RICTOR: variants seen among roughly 807,000 people sequenced by gnomAD.
RICTOR encodes RPTOR independent companion of MTOR complex 2.
RICTOR carries 49 observed loss-of-function variants against 214.9 expected under a neutral mutation model. That is an observed-to-expected ratio of 0.23 (90% CI 0.18 to 0.29). RICTOR has a LOEUF of 0.29. RICTOR is among the 10% of genes least tolerant of loss of function. RICTOR has a pLI of 1.00. For synonymous variants in RICTOR, 717 were observed against 711.3 expected (o/e 1.01, Z -0.13); for missense variants, 1,625 against 2,047.0 (o/e 0.79, Z 3.98).
intron 2 of RICTOR, among the ~76,000 whole-genome samples, chr5:39,045,963 T>A (rs1312118891): frequency 5.9e-5 from 9 of 151,898 alleles, no homozygotes; most frequent in Admixed American, 5.9e-4. Flanking sequence ...TATTCCAGTA[T>A]TTTTATCATT....
chr5:38,943,156 G>GT, intron 36 of RICTOR, 185 bp from the exon 37 acceptor site: 5 of 364,618 alleles, frequency 1.4e-5, no homozygotes, highest in East Asian at 1.1e-4. Flanking sequence ...TTCTGAGTTT[G>GT]GGTTTTTTTT....
In RICTOR at chr5:38,955,608, G is replaced by A. The variant is rs767673010; in HGVS notation, c.2596C>T (p.Arg866Trp). 5 of 1,591,444 alleles carry A rather than the reference G, an allele frequency of 3.1e-6. No homozygotes were observed. Among genetic ancestry groups the A allele is most frequent in the East Asian group, 2.2e-5 (1 of 44,746 alleles). Residue 866 changes from arginine (R) to tryptophan (W), a missense_variant, in exon 26 of 38, where the codon CGG (arginine) becomes TGG (tryptophan). Transcript: ENST00000357387. ...CTGGGTACGCACCTTTGGTTACTCC[G>A]ACGAACATAGTTATCACCATCAACA... ...KPVDGDNYVR[R>W]SNQRLQRPHV...
chr5:38,990,801 T>TATATGAGATATATG (rs1554068193), intron 7 of RICTOR, 148 bp downstream of exon 7: 62,484 of 80,434 alleles, frequency 0.78, 26,765 homozygotes, highest in Non-Finnish European at 0.83. Context: ...AGATATATGA[T>TATATGAGATATATG]ATATATGAGA....
At chr5:39,063,400 T>C (rs970044553) in intron 2 of RICTOR, among the ~76,000 whole-genome samples, 1 of 152,160 alleles carries the variant, frequency 6.6e-6, no homozygotes, top group African/African-American at 2.4e-5. Flanking sequence ...TATCTTGAAA[T>C]ACTAAATAAT....
intron 11 of RICTOR, among the ~76,000 whole-genome samples, chr5:38,968,485 A>C (rs568802905): frequency 0.023 from 3,532 of 151,656 alleles, 139 homozygotes; most frequent in African/African-American, 0.08. Flanking sequence ...ACAAAACAAA[A>C]AAAAAAAAAG....
chr5:38,970,078 T>C (rs749347286), intron 11 of RICTOR: 2 of 152,230 alleles, frequency 1.3e-5, no homozygotes, highest in East Asian at 3.8e-4. Flanking sequence ...TACAGTAACA[T>C]GCTATACAGG....
chr5:39,044,178 T>C (rs1158756133), intron 2 of RICTOR, among the ~76,000 whole-genome samples: 2 of 152,230 alleles, frequency 1.3e-5, no homozygotes. Flanking sequence ...AGCTCTGTTT[T>C]GATCTGGGTG....
Position 38,942,271 on chromosome 5 carries a change from T to C in RICTOR, c.*33A>G, listed in dbSNP as rs559015751. 1.1e-4 allele frequency: 144 copies of C among 1,260,956 alleles called. 3 individuals carry two copies. The South Asian group carries it at 1.9e-3, about 17-fold the overall frequency. The allele number at this position is 1,260,956 out of a possible 1,614,324, so 78.1% of individuals were successfully genotyped here. A position where few individuals can be genotyped will look rare whatever the true frequency, so the allele number is the denominator to read the frequency against. On this transcript the variant is annotated 3_prime_UTR_variant, in exon 38 of 38. Transcript: ENST00000357387. The stretch of plus-strand genomic sequence containing the variant: ...GGAAATCCACAAATATGAATATATA[T>C]AGTATGTATCTATATCCATCATAAA...
chr5:38,952,200 T>A lies in RICTOR; in HGVS notation c.3123A>T (p.Pro1041=). The change falls in exon 30 of 38, where the codon CCA becomes CCT. Residue 1041 remains proline (P), a synonymous_variant. Transcript: ENST00000357387. ...TGAACCTGTCAGGATACTCACTCGA[T>A]GGCACAGATTCACTTTCACTATTAT... is the stretch of plus-strand genomic sequence containing the variant. ...SRHNSESESV[P]SSMFILEDDR... 4.4e-6 allele frequency: 7 copies of A among 1,583,664 alleles called. No homozygotes were observed. The highest frequency in any genetic ancestry group is 5.2e-6 in the Non-Finnish European group (6 of 1,152,802).
chr5:38,948,644 T>C (rs1171047912), intron 31 of RICTOR, among the ~76,000 whole-genome samples: 2 of 152,102 alleles, frequency 1.3e-5, no homozygotes, highest in Non-Finnish European at 2.9e-5. Context: ...CTTAGGAATG[T>C]TCAAAATTCA....
At chr5:38,985,831 G>T (rs1752125174) in intron 7 of RICTOR, among the ~76,000 whole-genome samples, 1 of 152,136 alleles carries the variant, frequency 6.6e-6, no homozygotes, top group South Asian at 2.1e-4. Context: ...GAGTAGCTGG[G>T]ATTACAGGCG....
At chr5:39,073,090 T>A (rs769064793) in intron 2 of RICTOR, among the ~76,000 whole-genome samples, 1 of 152,206 alleles carries the variant, frequency 6.6e-6, no homozygotes, top group Non-Finnish European at 1.5e-5. Context: ...AGGTACGACA[T>A]AGGGTAAAAA....
Position 38,966,551 on chromosome 5 carries a change from A to G in RICTOR, c.1299+90T>C, listed in dbSNP as rs1005885737. On this transcript the variant is annotated intron_variant, in intron 15 of 37. Transcript: ENST00000357387. Reference sequence around the variant, plus strand: ...TAAGAAATGCAAATTTATTTTTGAGATAATACAAAGCAACACTATTAAAAT... The same window carrying G: ...TAAGAAATGCAAATTTATTTTTGAGGTAATACAAAGCAACACTATTAAAAT... 3 of 706,116 alleles carry G rather than the reference A, an allele frequency of 4.2e-6. No individual in the cohort carries two copies. The African/African-American group carries it at 5.6e-5, about 13-fold the overall frequency. The allele number at this position is 706,116 out of a possible 1,614,324, so 43.7% of individuals were successfully genotyped here.
At chr5:39,037,325 G>C (rs1276090711) in intron 2 of RICTOR, among the ~76,000 whole-genome samples, 27 of 152,032 alleles carry the variant, frequency 1.8e-4, no homozygotes, top group Admixed American at 9.2e-4. Context: ...GCAGTGTGTA[G>C]AGGGAAATTT....
intron 2 of RICTOR, among the ~76,000 whole-genome samples, chr5:39,055,095 A>C (rs946341380): frequency 6.6e-6 from 1 of 152,198 alleles, no homozygotes; most frequent in African/African-American, 2.4e-5. Flanking sequence ...CAAGGGCTAC[A>C]GTCTATTGTC....
intron 2 of RICTOR, among the ~76,000 whole-genome samples, chr5:39,051,597 T>C (rs1757854027): frequency 6.6e-6 from 1 of 151,726 alleles, no homozygotes; most frequent in Non-Finnish European, 1.5e-5. Flanking sequence ...AAAATAAAAA[T>C]AAAAAAATTA....
At chr5:38,979,635 A>C (rs1189703636) in intron 8 of RICTOR, among the ~76,000 whole-genome samples, 3 of 152,206 alleles carry the variant, frequency 2.0e-5, no homozygotes, top group Non-Finnish European at 4.4e-5. Context: ...AAAGTCTCAT[A>C]AGATTTCAGT....
chr5:38,966,749 G>C, intron 14 of RICTOR, 28 bp from the exon 15 acceptor site: 1 of 1,198,144 alleles, frequency 8.3e-7, no homozygotes, highest in Non-Finnish European at 1.2e-6. Flanking sequence ...TAACACCACT[G>C]TTGCAAAATA....
At chr5:39,006,827 G>A (rs1754112652) in intron 3 of RICTOR, among the ~76,000 whole-genome samples, 1 of 150,950 alleles carries the variant, frequency 6.6e-6, no homozygotes, top group South Asian at 2.1e-4. Context: ...GACAGGACTA[G>A]AATAGCTGCT....
Sources: gnomAD v4.1 joint callset for allele counts (sites outside exome capture counted in the v4.1 genomes callset) on GRCh38, gnomAD v4.1.1 for gene constraint, MANE v1.5 for transcripts, NCBI Gene and HGNC (gene_info 2026-07-23, HGNC 2026-07-21) for gene names.